Variants in AHCTF1 observed in about 807,000 individuals in gnomAD.
The protein encoded by AHCTF1 is AT-hook containing transcription factor 1, also known as protein ELYS.
A neutral mutation model predicts 248.4 loss-of-function variants in AHCTF1; 24 were observed. The ratio of observed to expected loss-of-function variants is 0.10; its 90% CI spans 0.07 to 0.14. The LOEUF (loss-of-function observed/expected upper bound fraction) is 0.14. Among genes scored for constraint, AHCTF1 ranks in the 10% least tolerant of loss-of-function variants. The pLI, the probability that AHCTF1 is intolerant of heterozygous loss-of-function variation, is 1.00. For missense variants in AHCTF1, 2,206 were observed against 2,636.2 expected (o/e 0.84, Z 3.57); for synonymous variants, 786 against 929.8 (o/e 0.85, Z 2.81).
chr1:246,920,824 G>T (rs151336952), intron 1 of AHCTF1, among the ~76,000 whole-genome samples: 175 of 151,654 alleles, frequency 1.2e-3, no homozygotes, highest in Non-Finnish European at 2.1e-3. Context: ...GGTGCCTCAC[G>T]CCTATAATCC....
At position 246,850,125 on chromosome 1, in the gene AHCTF1, C is replaced by T. The variant is rs764437889; in HGVS notation, c.5881G>A (p.Val1961Ile). ...GCAGACATATCAAATTCTGCTTGAA[C>T]AGTCAACTGAGATGACTCAAGGTTG... ...DSNLESSQLTVQAEFDMSAIP... is the reference protein window; with the variant it reads ...DSNLESSQLTIQAEFDMSAIP... Residue 1961 changes from valine to isoleucine, a missense_variant, in exon 33 of 36, where the codon GTT (valine) becomes ATT (isoleucine). Physicochemically the swap from Val to Ile is conservative, Grantham distance 29. Transcript: ENST00000648844. The T allele has an allele frequency of 2.5e-6, 4 of 1,613,806 alleles. No homozygotes were observed. In the East Asian group the frequency reaches 8.9e-5, roughly 36 times the overall value.
intron 17 of AHCTF1, among the ~76,000 whole-genome samples, chr1:246,889,761 C>G (rs565511856): frequency 6.6e-6 from 1 of 152,290 alleles, no homozygotes; most frequent in African/African-American, 2.4e-5. Flanking sequence ...CTTTCTTTGT[C>G]TATTACCTTT....
At chr1:246,848,971 C>G (rs1453534039) in intron 33 of AHCTF1, among the ~76,000 whole-genome samples, 2 of 152,148 alleles carry the variant, frequency 1.3e-5, no homozygotes, top group Non-Finnish European at 2.9e-5. Context: ...ATGTTTAAAG[C>G]ACCCCCTATT....
At chr1:246,889,528 C>T (rs143060611) in intron 17 of AHCTF1, among the ~76,000 whole-genome samples, 1 of 152,208 alleles carries the variant, frequency 6.6e-6, no homozygotes, top group East Asian at 1.9e-4. Flanking sequence ...AATGTTCACT[C>T]TCCTAAATTG....
intron 29 of AHCTF1, among the ~76,000 whole-genome samples, chr1:246,859,533 A>T (rs1661366775): frequency 6.6e-6 from 1 of 152,170 alleles, no homozygotes; most frequent in African/African-American, 2.4e-5. Flanking sequence ...AGGAATACAT[A>T]CTTCAGGAAC....
intron 31 of AHCTF1, 85 bp downstream of exon 31, chr1:246,855,645 T>TA: frequency 9.4e-7 from 1 of 1,059,934 alleles, no homozygotes; most frequent in Non-Finnish European, 1.4e-6. Flanking sequence ...AATAACACAA[T>TA]AGATTATTTT....
At position 246,898,338 on chromosome 1, in the gene AHCTF1, T is replaced by C. The variant is rs1289074775; in HGVS notation, c.1495-2A>G. The C allele has an allele frequency of 1.2e-6, 2 of 1,610,162 alleles. No individual in the cohort carries two copies. The highest frequency in any genetic ancestry group is 1.3e-5 in the African/African-American group (1 of 74,786). ...TGATTTCTTTAAAAAAGTCAAAGTC[T>C]GTAACAGATAAATTAGTAAGGCATC... On this transcript the variant is annotated splice_acceptor_variant, in intron 11 of 35. Coordinates refer to ENST00000648844, the MANE Select transcript of AHCTF1 (RefSeq NM_001323342.2). LOFTEE classifies it high-confidence loss of function.
chr1:246,875,953 A>AT (rs1662929151), intron 24 of AHCTF1, 84 bp downstream of exon 24: 3 of 1,333,364 alleles, frequency 2.2e-6, no homozygotes, highest in Non-Finnish European at 3.0e-6. Flanking sequence ...GAAAGTAGCT[A>AT]AATTTAAGGT....
At chr1:246,928,724 G>A (rs1443870361) in intron 1 of AHCTF1, among the ~76,000 whole-genome samples, 2 of 152,144 alleles carry the variant, frequency 1.3e-5, no homozygotes, top group African/African-American at 4.8e-5. Context: ...CTCTAATCTA[G>A]TTCAACAATT....
At chr1:246,864,225 A>G (rs1022813953) in intron 26 of AHCTF1, 109 bp from the exon 27 acceptor site, 9 of 1,080,212 alleles carry the variant, frequency 8.3e-6, no homozygotes, top group Non-Finnish European at 7.9e-6. Context: ...GCCACATGCA[A>G]ATACAGTCAA....
At chr1:246,910,723 C>T (rs1212807308) in intron 4 of AHCTF1, among the ~76,000 whole-genome samples, 1 of 152,150 alleles carries the variant, frequency 6.6e-6, no homozygotes, top group African/African-American at 2.4e-5. Flanking sequence ...TCATATCACA[C>T]TGTCCTAGAA....
intron 24 of AHCTF1, among the ~76,000 whole-genome samples, chr1:246,868,998 C>A (rs1470443752): frequency 3.3e-5 from 5 of 151,244 alleles, no homozygotes; most frequent in African/African-American, 4.9e-5. Context: ...GCGCCCGCCA[C>A]CATGCCTGGC....
At position 246,864,085 on chromosome 1, in the gene AHCTF1, G is replaced by C. The variant is rs764806558; in HGVS notation, c.3379C>G (p.Arg1127Gly). 1 of 1,614,028 alleles carries C rather than the reference G, an allele frequency of 6.2e-7. No homozygotes were observed. Among genetic ancestry groups the C allele is most frequent in the Non-Finnish European group, 8.5e-7 (1 of 1,179,952 alleles). Residue 1127 changes from arginine to glycine, a missense_variant, in exon 27 of 36, where the codon CGG becomes GGG. Physicochemically the swap from Arg to Gly is moderately radical, Grantham distance 125. Around this residue, in one of 6 missense-constraint regions of AHCTF1, gnomAD observed 955 missense variants for 1,055.6 expected, o/e 0.90. Coordinates refer to ENST00000648844, the MANE Select transcript of AHCTF1 (RefSeq NM_001323342.2). ...LLDLVVQPVP[R>G]PSQCSEFIQQ... is the part of the protein sequence containing the mutation. Reference sequence around the variant, plus strand: ...ATAAACTCCGAACACTGAGAAGGCCGGGGGACAGGCTGAACAACCAAATCT... The same window carrying C: ...ATAAACTCCGAACACTGAGAAGGCCCGGGGACAGGCTGAACAACCAAATCT...
intron 33 of AHCTF1, among the ~76,000 whole-genome samples, chr1:246,845,574 C>T (rs531341971): frequency 2.4e-4 from 37 of 152,270 alleles, no homozygotes; most frequent in African/African-American, 5.5e-4. Flanking sequence ...TTTCACTTTT[C>T]GTAATCTTCA....
At chr1:246,921,310 T>C (rs1489606402) in intron 1 of AHCTF1, among the ~76,000 whole-genome samples, 1 of 152,160 alleles carries the variant, frequency 6.6e-6, no homozygotes, top group Admixed American at 6.5e-5. Flanking sequence ...GAAGTAGTGG[T>C]AATGTTCTTT....
intron 2 of AHCTF1, 71 bp from the exon 3 acceptor site, chr1:246,916,466 T>C (rs1424903392): frequency 7.5e-7 from 1 of 1,326,846 alleles, no homozygotes; most frequent in Non-Finnish European, 1.0e-6. Context: ...TTAGCTCATT[T>C]ACATACAACT....
intron 5 of AHCTF1, among the ~76,000 whole-genome samples, chr1:246,905,995 A>T (rs1268167390): frequency 6.6e-6 from 1 of 152,168 alleles, no homozygotes; most frequent in Non-Finnish European, 1.5e-5. Context: ...GGATGCATTC[A>T]TGTCTGTGTA....
chr1:246,853,280 A>C lies in AHCTF1; in HGVS notation c.4374T>G (p.Gly1458=), dbSNP rs573120138. The change falls in exon 32 of 36, where the codon GGT becomes GGG. Residue 1458 remains glycine (G), a synonymous_variant. Coordinates refer to ENST00000648844, the MANE Select transcript of AHCTF1 (RefSeq NM_001323342.2). ...TAGTGAGCGAGGAGTTTCCACCATC[A>C]CCAAGGACATCAGCCATAGCTGAAA... ...NDNKSMADVL[G]DGGNSSLTIS... 29 of 1,612,782 alleles carry C rather than the reference A, an allele frequency of 1.8e-5. No individual in the cohort carries two copies. The South Asian group carries it at 3.0e-4, about 17-fold the overall frequency.
At chr1:246,929,666 G>A (rs1055722760) in intron 1 of AHCTF1, among the ~76,000 whole-genome samples, 4 of 152,190 alleles carry the variant, frequency 2.6e-5, no homozygotes, top group Admixed American at 1.3e-4. Flanking sequence ...TGAGCTAACC[G>A]AGGGAAGTTA....
Sources: gnomAD v4.1 joint callset for allele counts (sites outside exome capture counted in the v4.1 genomes callset) on GRCh38, gnomAD v4.1.1 for gene constraint, gnomAD v4.1.1 regional missense constraint, MANE v1.5 for transcripts, NCBI Gene and HGNC (gene_info 2026-07-23, HGNC 2026-07-21) for gene names.